The following ANKS1A variants were observed in gnomAD, a reference collection of about 807,000 sequenced individuals.
The protein encoded by ANKS1A is ankyrin repeat and sterile alpha motif domain containing 1A.
In ANKS1A, 55 loss-of-function variants were observed where a neutral mutation model predicts 120.3. The observed-to-expected ratio is 0.46, with a 90% CI of 0.37 to 0.57. ANKS1A has a LOEUF of 0.57. Ranked by LOEUF, ANKS1A falls within the 20% of genes least tolerant of loss-of-function variation. ANKS1A has a pLI of 0.00. For synonymous variants in ANKS1A, 590 were observed against 604.7 expected, an observed-to-expected ratio of 0.98 and a Z score of 0.36; for missense variants, 1,123 against 1,480.3, an observed-to-expected ratio of 0.76 and a Z score of 3.96.
intron 13 of ANKS1A, among the ~76,000 whole-genome samples, chr6:35,078,327 C>T (rs1777472635): frequency 6.6e-6 from 1 of 152,272 alleles, no homozygotes; most frequent in Middle Eastern, 3.4e-3. Context: ...CCCTTGTGTG[C>T]CCTGGCCGGC....
At chr6:35,006,290 C>T (rs1056499813) in intron 10 of ANKS1A, among the ~76,000 whole-genome samples, 12 of 149,862 alleles carry the variant, frequency 8.0e-5, no homozygotes, top group South Asian at 4.3e-4. Context: ...ACCCAGGAGG[C>T]GCCTCTTTTT....
intron 13 of ANKS1A, among the ~76,000 whole-genome samples, chr6:35,073,094 T>G (rs1337122143): frequency 6.6e-6 from 1 of 152,234 alleles, no homozygotes. Context: ...GGCGGATTTT[T>G]GCAGGTCATG....
chr6:35,052,069 C>T (rs930314061), intron 11 of ANKS1A, among the ~76,000 whole-genome samples: 86 of 152,040 alleles, frequency 5.7e-4, no homozygotes, highest in African/African-American at 1.9e-3. Flanking sequence ...AGTCCCAGCA[C>T]TTTGGGAGGC....
intron 11 of ANKS1A, among the ~76,000 whole-genome samples, chr6:35,028,732 T>C (rs1774752851): frequency 6.6e-6 from 1 of 152,184 alleles, no homozygotes; most frequent in Admixed American, 6.5e-5. Flanking sequence ...GTAATAGTAA[T>C]TTTTTGAAAA....
chr6:35,028,900 A>G (rs1044351869), intron 11 of ANKS1A, among the ~76,000 whole-genome samples: 14 of 152,344 alleles, frequency 9.2e-5, no homozygotes, highest in Middle Eastern at 3.4e-3. Flanking sequence ...ATCCTTGTAC[A>G]GAGTCATTGT....
intron 1 of ANKS1A, among the ~76,000 whole-genome samples, chr6:34,926,282 G>C (rs1768713396): frequency 1.3e-5 from 2 of 152,260 alleles, no homozygotes; most frequent in South Asian, 4.1e-4. Flanking sequence ...GGACTTTCAG[G>C]GGCAAACCTC....
intron 11 of ANKS1A, among the ~76,000 whole-genome samples, chr6:35,032,620 G>T (rs999335407): frequency 6.6e-6 from 1 of 152,178 alleles, no homozygotes. Flanking sequence ...TCAAGGTGTG[G>T]ATTGCTAAAG....
intron 10 of ANKS1A, among the ~76,000 whole-genome samples, chr6:35,014,745 C>T (rs561250513): frequency 1.4e-4 from 21 of 152,334 alleles, no homozygotes; most frequent in South Asian, 1.2e-3. Flanking sequence ...GAAGCCTGTG[C>T]TCCTTTTACC....
chr6:34,953,912 T>G (rs1770213178), intron 1 of ANKS1A, among the ~76,000 whole-genome samples: 1 of 152,196 alleles, frequency 6.6e-6, no homozygotes. Context: ...AGCAGTTCTG[T>G]GCCTTCTTTA....
At chr6:34,934,248 C>T (rs949293991) in intron 1 of ANKS1A, among the ~76,000 whole-genome samples, 6 of 152,102 alleles carry the variant, frequency 3.9e-5, no homozygotes, top group African/African-American at 1.2e-4. Context: ...CCCGGGTTCA[C>T]GCCATTCTCC....
At chr6:34,948,155 T>G (rs192818190) in intron 1 of ANKS1A, among the ~76,000 whole-genome samples, 1,947 of 152,138 alleles carry the variant, frequency 0.013, 41 homozygotes, top group African/African-American at 0.044. Context: ...TTAGGTGTTT[T>G]TTTTTTTTTT....
At chr6:34,998,554 C>T (rs542949598) in intron 10 of ANKS1A, among the ~76,000 whole-genome samples, 1 of 152,250 alleles carries the variant, frequency 6.6e-6, no homozygotes, top group Admixed American at 6.5e-5. Context: ...GATGTTATCT[C>T]TAGATTATAG....
intron 1 of ANKS1A, among the ~76,000 whole-genome samples, chr6:34,938,212 A>G (rs549207064): frequency 2.0e-5 from 3 of 152,364 alleles, no homozygotes; most frequent in South Asian, 2.1e-4. Flanking sequence ...TCTTTATAAG[A>G]ATTTCAGGCA....
At chr6:34,903,328 A>G (rs1767458445) in intron 1 of ANKS1A, among the ~76,000 whole-genome samples, 2 of 151,928 alleles carry the variant, frequency 1.3e-5, no homozygotes, top group Non-Finnish European at 2.9e-5. Flanking sequence ...TTTAACAGGC[A>G]AATCATCATG....
chr6:34,947,265 C>A (rs1462342331), intron 1 of ANKS1A, among the ~76,000 whole-genome samples: 4 of 151,244 alleles, frequency 2.6e-5, no homozygotes, highest in African/African-American at 9.7e-5. Context: ...CCTGTCTCAG[C>A]CTTTCGAGTA....
At chr6:34,991,541 TACACACACACACACACACACAC>T (rs149416311) in intron 9 of ANKS1A, among the ~76,000 whole-genome samples, 2,509 of 138,488 alleles carry the variant, frequency 0.018, 83 homozygotes, top group Non-Finnish European at 0.027. Context: ...AAAAAATATA[TACACACACACACACACACACAC>T]ACACACACAC....
intron 1 of ANKS1A, among the ~76,000 whole-genome samples, chr6:34,901,078 A>G (rs1037580397): frequency 2.6e-5 from 4 of 152,138 alleles, no homozygotes; most frequent in Non-Finnish European, 5.9e-5. Flanking sequence ...ACCAGTTCAA[A>G]ATGATAAAAA....
At chr6:34,917,730 C>G (rs1292007804) in intron 1 of ANKS1A, among the ~76,000 whole-genome samples, 1 of 152,210 alleles carries the variant, frequency 6.6e-6, no homozygotes, top group East Asian at 1.9e-4. Flanking sequence ...TTCTCCGGAC[C>G]TAAGACCCGA....
chr6:34,908,981 A>G (rs1215290425), intron 1 of ANKS1A, among the ~76,000 whole-genome samples: 5 of 152,222 alleles, frequency 3.3e-5, no homozygotes, highest in Non-Finnish European at 7.3e-5. Context: ...TGGATATTAA[A>G]TGTACAGACC....
Sources: gnomAD v4.1 joint callset for allele counts (sites outside exome capture counted in the v4.1 genomes callset) on GRCh38, gnomAD v4.1.1 for gene constraint, MANE v1.5 for transcripts, NCBI Gene and HGNC (gene_info 2026-07-23, HGNC 2026-07-21) for gene names.